The following PSME3 variants were observed in gnomAD, a reference collection of about 807,000 sequenced individuals.
PSME3 encodes the protein proteasome activator subunit 3, also known as proteasome activator complex subunit 3.
PSME3 carries 7 observed loss-of-function variants against 38.3 expected under a neutral mutation model. The observed-to-expected ratio is 0.18, with a 90% CI of 0.10 to 0.34. The LOEUF is 0.34. Ranked by LOEUF, PSME3 falls within the 10% of genes least tolerant of loss-of-function variation. The pLI is 1.00. For synonymous variants in PSME3, 108 were observed against 105.7 expected (o/e 1.02, Z -0.13); for missense variants, 192 against 307.6 (o/e 0.62, Z 2.81).
chr17:42,835,023 T>G, intron 4 of PSME3, 147 bp downstream of exon 4: 6 of 1,097,678 alleles, frequency 5.5e-6, no homozygotes, highest in South Asian at 5.0e-5. Flanking sequence ...TCTAGTATAG[T>G]TCTTTTATTT....
At chr17:42,840,441 A>G (rs367705277) in intron 10 of PSME3, among the ~76,000 whole-genome samples, 1 of 151,914 alleles carries the variant, frequency 6.6e-6, no homozygotes, top group East Asian at 1.9e-4. Flanking sequence ...CCCCATCTCT[A>G]CTGAAAATAC....
intron 4 of PSME3, among the ~76,000 whole-genome samples, chr17:42,836,795 C>T (rs2055469048): frequency 6.6e-6 from 1 of 151,778 alleles, no homozygotes; most frequent in Admixed American, 6.6e-5. Flanking sequence ...CTCCTGAGCT[C>T]AAGCGATCTG....
In PSME3 at chr17:42,834,510, C is replaced by T. The variant is rs2055438724; in HGVS notation, c.76-5C>T. On this transcript the variant is annotated splice_region_variant and splice_polypyrimidine_tract_variant and intron_variant, in intron 2 of 10. Coordinates refer to ENST00000590720, the MANE Select transcript of PSME3 (RefSeq NM_005789.4). ...TAATTCAGCTGTATTTTCCCTCTTC[C>T]TTAGGCAGAAGACTTGGTGGCAAAT... 2 of 1,612,860 alleles carry T rather than the reference C, an allele frequency of 1.2e-6. No homozygotes were observed. Among genetic ancestry groups the T allele is most frequent in the Non-Finnish European group, 1.7e-6 (2 of 1,179,198 alleles).
chr17:42,838,612 C>A, intron 6 of PSME3, 119 bp from the exon 7 acceptor site: 1 of 996,412 alleles, frequency 1.0e-6, no homozygotes, highest in South Asian at 1.5e-5. Context: ...GCCACCATGC[C>A]TGGCCAGACT....
rs745562824 is a variant in PSME3, at chr17:42,838,141, A to G, written c.341A>G (p.Gln114Arg). The G allele has an allele frequency of 6.2e-7, 1 of 1,614,178 alleles. No homozygotes were observed. Among genetic ancestry groups the G allele is most frequent in the South Asian group, 1.1e-5 (1 of 91,082 alleles). ...MPNGMLKSNQ[Q>R]LVDIIEKVKP... ...AATGGGATGCTGAAAAGCAACCAGC[A>G]GCTGGTGGACATTATTGAGAAAGTG... The change falls in exon 6 of 11, where the codon CAG (glutamine) becomes CGG (arginine). Residue 114 changes from glutamine (Q) to arginine (R), a missense_variant. By Grantham distance (43) the Gln-to-Arg change is conservative. This residue lies in a region of PSME3 where 110 missense variants were observed against 139.3 expected (regional missense o/e 0.79). Transcript: ENST00000590720.
chr17:42,833,496 C>A lies in PSME3; in HGVS notation c.-136C>A. ...GGGCGGACGGCACAGAGGGAGGGAG[C>A]GAGCGAGCAGTGAGTAAGCCAGCAA... On this transcript the variant is annotated 5_prime_UTR_variant, in exon 1 of 11. Coordinates refer to ENST00000590720, the MANE Select transcript of PSME3 (RefSeq NM_005789.4). 9.5e-7 allele frequency: 1 copy of A among 1,053,382 alleles called. No homozygotes were observed. Among genetic ancestry groups the A allele is most frequent in the Non-Finnish European group, 1.4e-6 (1 of 709,822 alleles). The allele number at this position is 1,053,382 out of a possible 1,614,324, so 65.3% of individuals were successfully genotyped here.
rs138925695 is a variant in PSME3, at chr17:42,836,647, A to G, written c.244-1002A>G. Among the ~76,000 whole-genome samples the G allele has an allele frequency of 3.5e-3, 525 of 148,018 alleles. 2 individuals carry two copies. The highest frequency in any genetic ancestry group is 5.8e-3 in the Non-Finnish European group (389 of 66,522). ...TAATCTCAGCTCACTGCAACCTCAAACTCCTGGGTTCAAGTGATCCTCCTA... is the reference window on the plus strand; with the variant it reads ...TAATCTCAGCTCACTGCAACCTCAAGCTCCTGGGTTCAAGTGATCCTCCTA... On this transcript the variant is annotated intron_variant, in intron 4 of 10. Transcript: ENST00000590720.
intron 10 of PSME3, among the ~76,000 whole-genome samples, 162 bp downstream of exon 10, chr17:42,839,542 C>T (rs1191249264): frequency 2.6e-5 from 4 of 152,156 alleles, no homozygotes; most frequent in Admixed American, 6.5e-5. Flanking sequence ...AGTCATCTAG[C>T]AGGGTATCTC....
chr17:42,833,705 C>A, intron 1 of PSME3, 32 bp downstream of exon 1: 3 of 1,614,222 alleles, frequency 1.9e-6, no homozygotes, highest in Middle Eastern at 3.3e-4. Flanking sequence ...TTTTGCCCCT[C>A]GCTTTGATCC....
intron 4 of PSME3, among the ~76,000 whole-genome samples, chr17:42,837,181 G>C (rs551330046): frequency 6.6e-6 from 1 of 152,258 alleles, no homozygotes; most frequent in South Asian, 2.1e-4. Flanking sequence ...CTCCCAAGTA[G>C]CTGGGATTAT....
At position 42,839,157 on chromosome 17, in the gene PSME3, T is replaced by C. The variant is rs1248665060; in HGVS notation, c.588T>C (p.Tyr196=). Residue 196 remains tyrosine, a synonymous_variant, in exon 9 of 11, where the codon TAT becomes TAC. Transcript: ENST00000590720. The part of the protein sequence containing the change: ...RAKLVSKIAK[Y]PHVEDYRRTV... ...AATTGGTTTCTAAAATAGCTAAATA[T>C]CCCCATGTGGTAAGTAAGGGGTTTG... 6.3e-7 allele frequency: 1 copy of C among 1,581,710 alleles called. No homozygotes were observed. The highest frequency in any genetic ancestry group is 1.4e-5 in the African/African-American group (1 of 74,054).
Position 42,838,196 on chromosome 17 carries a change from A to G in PSME3, c.396A>G (p.Lys132=). ...CTGAGATCCGGCTGTTGATTGAGAAATGTAACACGGTGAGGCACAGGCTGG... is the reference window on the plus strand; with the variant it reads ...CTGAGATCCGGCTGTTGATTGAGAAGTGTAACACGGTGAGGCACAGGCTGG... ...VKPEIRLLIE[K]CNTVKMWVQL... The change falls in exon 6 of 11, where the codon AAA becomes AAG. Residue 132 remains lysine, a synonymous_variant. Coordinates refer to ENST00000590720, the MANE Select transcript of PSME3 (RefSeq NM_005789.4). The G allele has an allele frequency of 6.2e-7, 1 of 1,613,998 alleles. No individual in the cohort carries two copies. Among genetic ancestry groups the G allele is most frequent in the South Asian group, 1.1e-5 (1 of 91,066 alleles).
chr17:42,839,917 A>T (rs2055510162), intron 10 of PSME3, among the ~76,000 whole-genome samples: 1 of 151,468 alleles, frequency 6.6e-6, no homozygotes, highest in South Asian at 2.1e-4. Flanking sequence ...AATCACTTGA[A>T]CCCGGGAGTT....
At chr17:42,837,839 C>T (rs987451439) in intron 5 of PSME3, 142 bp downstream of exon 5, 73 of 1,048,574 alleles carry the variant, frequency 7.0e-5, no homozygotes, top group South Asian at 1.3e-4. Flanking sequence ...CTCCTCCAAA[C>T]GTGCTTGTTA....
chr17:42,834,242 T>C (rs759166935), intron 1 of PSME3, 102 bp from the exon 2 acceptor site: 95 of 1,596,390 alleles, frequency 6.0e-5, no homozygotes, highest in Non-Finnish European at 7.9e-5. Flanking sequence ...CTCAGCTTCT[T>C]ATTACAGTTA....
rs763536030 is a variant in PSME3, at chr17:42,833,591, G to T, written c.-41G>T. 2.7e-5 allele frequency: 43 copies of T among 1,613,038 alleles called. No homozygotes were observed. In the African/African-American group the frequency reaches 4.5e-4, roughly 17 times the overall value. On this transcript the variant is annotated 5_prime_UTR_variant, in exon 1 of 11. Transcript: ENST00000590720. ...CGGCCCCCTCCCTGGAGTCCACAGC[G>T]CCTCCGGTGTCCAGAGGATCGGACA...
chr17:42,840,114 TAAA>T (rs565087528), intron 10 of PSME3, among the ~76,000 whole-genome samples: 7 of 128,938 alleles, frequency 5.4e-5, no homozygotes, highest in African/African-American at 1.7e-4. Context: ...CCATCTTTAC[TAAA>T]AAAAAAAAAA....
chr17:42,834,437 GGAGAGAGAGAGAGAGA>G (rs59492997), intron 2 of PSME3, 61 bp downstream of exon 2: 3 of 1,535,608 alleles, frequency 2.0e-6, no homozygotes, highest in East Asian at 2.3e-5. Flanking sequence ...GGAGATACCT[GGAGAGAGAGAGAGAGA>G]GAGAGAGAGA....
At chr17:42,838,272 G>T in intron 6 of PSME3, 67 bp downstream of exon 6, 2 of 1,599,200 alleles carry the variant, frequency 1.3e-6, no homozygotes, top group Non-Finnish European at 1.7e-6. Context: ...AAAAACAGTG[G>T]ATGTACGGGT....
Sources: allele counts gnomAD v4.1 joint callset (sites outside exome capture counted in the v4.1 genomes callset), GRCh38; gene constraint gnomAD v4.1.1; regional missense constraint gnomAD v4.1.1; transcripts MANE v1.5; gene names NCBI Gene and HGNC (gene_info 2026-07-23, HGNC 2026-07-21).